PCDH9: variants seen among roughly 807,000 people sequenced by gnomAD.
PCDH9 encodes protocadherin-9.
PCDH9 carries 24 observed loss-of-function variants against 70.6 expected under a neutral mutation model. The observed-to-expected ratio is 0.34, with a 90% confidence interval of 0.25 to 0.48. The LOEUF is 0.48. Among genes scored for constraint, PCDH9 ranks in the 20% least tolerant of loss-of-function variants. The pLI, the probability that PCDH9 is intolerant of heterozygous loss-of-function variation, is 0.99. For synonymous variants in PCDH9, 562 were observed against 558.5 expected (o/e 1.01, Z -0.09); for missense variants, 1,281 against 1,503.6 (o/e 0.85, Z 2.45).
chr13:66,777,522 A>G (rs2079917404), intron 3 of PCDH9, among the ~76,000 whole-genome samples: 1 of 152,238 alleles, frequency 6.6e-6, no homozygotes, highest in South Asian at 2.1e-4. Flanking sequence ...CAAAAAACAC[A>G]TGAAAAAATG....
At chr13:66,351,107 T>C (rs1027764426) in intron 4 of PCDH9, among the ~76,000 whole-genome samples, 2 of 152,200 alleles carry the variant, frequency 1.3e-5, no homozygotes, top group African/African-American at 2.4e-5. Flanking sequence ...TCATTTCTCA[T>C]GAACTTGCTC....
intron 4 of PCDH9, among the ~76,000 whole-genome samples, chr13:66,575,666 T>C (rs1269650966): frequency 6.6e-6 from 1 of 152,128 alleles, no homozygotes; most frequent in Non-Finnish European, 1.5e-5. Context: ...CATCAATATC[T>C]TTTCATCCTT....
chr13:66,571,277 A>C (rs1292740026), intron 4 of PCDH9, among the ~76,000 whole-genome samples: 1 of 151,898 alleles, frequency 6.6e-6, no homozygotes, highest in Non-Finnish European at 1.5e-5. Context: ...GTAAATTTTT[A>C]TGTCTTTATA....
chr13:66,543,566 CA>C (rs200986497), intron 4 of PCDH9, among the ~76,000 whole-genome samples: 85 of 134,574 alleles, frequency 6.3e-4, no homozygotes, highest in Middle Eastern at 3.8e-3. Flanking sequence ...GACTCCGTTT[CA>C]AAAAAAAAAA....
intron 2 of PCDH9, among the ~76,000 whole-genome samples, chr13:67,071,521 AT>A (rs1428951611): frequency 6.6e-6 from 1 of 152,144 alleles, no homozygotes; most frequent in Non-Finnish European, 1.5e-5. Context: ...ACTTTTAACA[AT>A]TTTTTTCTAT....
intron 3 of PCDH9, among the ~76,000 whole-genome samples, chr13:66,778,499 G>A (rs1408839343): frequency 6.6e-6 from 1 of 152,058 alleles, no homozygotes; most frequent in South Asian, 2.1e-4. Context: ...TCCAACATTT[G>A]TACTTACCAT....
At chr13:66,441,782 A>G (rs945718146) in intron 4 of PCDH9, among the ~76,000 whole-genome samples, 5 of 152,102 alleles carry the variant, frequency 3.3e-5, no homozygotes, top group African/African-American at 1.2e-4. Flanking sequence ...TTCTTGGTTA[A>G]TAAAGAAAAA....
At chr13:66,693,700 T>C (rs2078519579) in intron 3 of PCDH9, among the ~76,000 whole-genome samples, 1 of 152,174 alleles carries the variant, frequency 6.6e-6, no homozygotes, top group Admixed American at 6.5e-5. Flanking sequence ...ATGGGCCAAA[T>C]TATATCTTCC....
intron 3 of PCDH9, among the ~76,000 whole-genome samples, chr13:66,795,543 CTCTT>C (rs1288698009): frequency 2.0e-5 from 3 of 152,026 alleles, no homozygotes; most frequent in Admixed American, 6.6e-5. Context: ...TTTACTTTCT[CTCTT>C]TATTGTTGAT....
At chr13:66,981,437 CAA>C (rs372208244) in intron 2 of PCDH9, among the ~76,000 whole-genome samples, 8 of 78,782 alleles carry the variant, frequency 1.0e-4, no homozygotes, top group Non-Finnish European at 1.2e-4. Flanking sequence ...GACTCCCTCT[CAA>C]AAAAAAAAAA....
intron 4 of PCDH9, among the ~76,000 whole-genome samples, chr13:66,434,805 T>C (rs1957838739): frequency 1.3e-5 from 2 of 152,026 alleles, no homozygotes; most frequent in African/African-American, 4.8e-5. Flanking sequence ...TTCCATAATA[T>C]GCAGGCCATA....
At chr13:66,688,727 A>G (rs1461818771) in intron 3 of PCDH9, among the ~76,000 whole-genome samples, 2 of 152,160 alleles carry the variant, frequency 1.3e-5, no homozygotes, top group African/African-American at 4.8e-5. Context: ...AAACTTATTG[A>G]TTAATAACAA....
intron 3 of PCDH9, among the ~76,000 whole-genome samples, chr13:66,816,543 C>T (rs568184240): frequency 6.6e-6 from 1 of 152,264 alleles, no homozygotes; most frequent in East Asian, 1.9e-4. Flanking sequence ...ATGTTCTCTT[C>T]CTACCCTCTC....
At chr13:67,127,676 A>ATG (rs142545550) in intron 2 of PCDH9, among the ~76,000 whole-genome samples, 55,717 of 145,320 alleles carry the variant, frequency 0.38, 10,648 homozygotes, top group Admixed American at 0.43. Context: ...ATATATATAT[A>ATG]TGTGTGTGTG....
chr13:66,591,651 C>T (rs1402215548), intron 4 of PCDH9, among the ~76,000 whole-genome samples: 2 of 151,296 alleles, frequency 1.3e-5, no homozygotes, highest in African/African-American at 4.8e-5. Context: ...TAACAATTGG[C>T]CTAGAACATA....
chr13:66,930,753 A>G (rs2082793791), intron 2 of PCDH9, among the ~76,000 whole-genome samples: 1 of 152,138 alleles, frequency 6.6e-6, no homozygotes, highest in Non-Finnish European at 1.5e-5. Flanking sequence ...CAATAGCATA[A>G]TGGCATCAAT....
At chr13:66,750,087 G>A (rs1045235961) in intron 3 of PCDH9, among the ~76,000 whole-genome samples, 2 of 151,874 alleles carry the variant, frequency 1.3e-5, no homozygotes, top group African/African-American at 2.4e-5. Flanking sequence ...ACACACACAC[G>A]TGCATGTGCA....
At chr13:67,220,674 C>G (rs372116260) in intron 2 of PCDH9, 1 of 151,982 alleles carries the variant, frequency 6.6e-6, no homozygotes, top group African/African-American at 2.4e-5. Context: ...GTTTCTATAT[C>G]TTGAATTAAT....
intron 4 of PCDH9, among the ~76,000 whole-genome samples, chr13:66,381,390 A>G (rs114431414): frequency 1.2e-4 from 19 of 152,230 alleles, no homozygotes; most frequent in Non-Finnish European, 2.1e-4. Flanking sequence ...CTCAAATAGT[A>G]AAACTTATGT....
Sources: allele counts gnomAD v4.1 joint callset (sites outside exome capture counted in the v4.1 genomes callset), GRCh38; gene constraint gnomAD v4.1.1; transcripts MANE v1.5; gene names NCBI Gene and HGNC (gene_info 2026-07-23, HGNC 2026-07-21).